The following TLK1 variants were observed in gnomAD, a reference collection of about 807,000 sequenced individuals.
TLK1 encodes the protein serine/threonine-protein kinase tousled-like 1.
TLK1 carries 24 observed loss-of-function variants against 105.3 expected under a neutral mutation model. The observed-to-expected ratio is 0.23, with a 90% CI of 0.17 to 0.32. The LOEUF (loss-of-function observed/expected upper bound fraction) is 0.32, where lower values mean the gene tolerates loss of function less well. Among genes scored for constraint, TLK1 ranks in the 10% least tolerant of loss-of-function variants. The pLI is 1.00. For missense variants in TLK1, 558 were observed against 910.5 expected (o/e 0.61, Z 4.98); for synonymous variants, 321 against 310.4 (o/e 1.03, Z -0.36).
chr2:171,139,929 T>A (rs1264863487), intron 1 of TLK1, among the ~76,000 whole-genome samples: 2 of 152,198 alleles, frequency 1.3e-5, no homozygotes, highest in African/African-American at 4.8e-5. Flanking sequence ...ATCCCTCGCA[T>A]GTGCAGTTCA....
At chr2:171,192,610 G>T (rs1485251618) in intron 1 of TLK1, among the ~76,000 whole-genome samples, 2 of 152,162 alleles carry the variant, frequency 1.3e-5, no homozygotes, top group Non-Finnish European at 2.9e-5. Flanking sequence ...AACCTGGAAG[G>T]CGGAGGTTGC....
At chr2:171,045,973 A>T in intron 11 of TLK1, 1 of 449,838 alleles carries the variant, frequency 2.2e-6, no homozygotes, top group Non-Finnish European at 3.8e-6. Context: ...GTTTTAAAAG[A>T]GAATTGTTAA....
At chr2:171,072,274 A>C (rs1159520666) in intron 3 of TLK1, among the ~76,000 whole-genome samples, 1 of 152,162 alleles carries the variant, frequency 6.6e-6, no homozygotes, top group African/African-American at 2.4e-5. Flanking sequence ...AATTTCTTGC[A>C]TCAATGTTTT....
chr2:171,073,038 T>C (rs929720344), intron 3 of TLK1, among the ~76,000 whole-genome samples: 5 of 152,172 alleles, frequency 3.3e-5, no homozygotes, highest in African/African-American at 4.8e-5. Flanking sequence ...TGTTAGCATA[T>C]AGAAATGCTA....
intron 12 of TLK1, among the ~76,000 whole-genome samples, chr2:171,027,741 A>G (rs1685843815): frequency 6.6e-6 from 1 of 152,260 alleles, no homozygotes; most frequent in Admixed American, 6.5e-5. Flanking sequence ...CTTAAATAGA[A>G]TAATCTAAAG....
chr2:171,133,854 T>C (rs999623328), intron 1 of TLK1, among the ~76,000 whole-genome samples: 3 of 151,976 alleles, frequency 2.0e-5, no homozygotes, highest in African/African-American at 7.3e-5. Context: ...TTCATATACA[T>C]TGTGATGGTG....
Position 171,160,217 on chromosome 2 carries a change from CGG to C in TLK1, c.139+71_139+72del, listed in dbSNP as rs377552379. 155 of 958,646 alleles carry C rather than the reference CGG, an allele frequency of 1.6e-4. No individual in the cohort carries two copies. In the African/African-American group the frequency reaches 2.1e-3, roughly 13 times the overall value. The allele number at this position is 958,646 out of a possible 1,614,324, so 59.4% of individuals were successfully genotyped here. On this transcript the variant is annotated intron_variant, in intron 1 of 20. Coordinates refer to ENST00000431350, the MANE Select transcript of TLK1 (RefSeq NM_012290.5). The surrounding 1 kb of genome is among the most constrained non-coding windows in gnomAD (Gnocchi z 4.4). Reference sequence around the variant, plus strand: ...CGGAGAAGCCCCGGGGCGGGGGGGGCGGGGGGGGGGCGCGGGGGTCCGCGGCG... The same window carrying C: ...CGGAGAAGCCCCGGGGCGGGGGGGGCGGGGGGGGCGCGGGGGTCCGCGGCG...
At chr2:171,060,373 T>A (rs1558916550) in intron 4 of TLK1, among the ~76,000 whole-genome samples, 1 of 152,164 alleles carries the variant, frequency 6.6e-6, no homozygotes, top group Non-Finnish European at 1.5e-5. Flanking sequence ...CTAAAATGAC[T>A]TACCCTTCCT....
chr2:171,180,221 TAA>T (rs908785841), intron 1 of TLK1, among the ~76,000 whole-genome samples: 1 of 145,306 alleles, frequency 6.9e-6, no homozygotes, highest in Admixed American at 6.9e-5. Flanking sequence ...AGACTTTGTC[TAA>T]AAAAAAAAAA....
chr2:171,154,682 C>T (rs1692167756), intron 1 of TLK1, among the ~76,000 whole-genome samples: 1 of 152,190 alleles, frequency 6.6e-6, no homozygotes, highest in Non-Finnish European at 1.5e-5. Flanking sequence ...CTATACCATA[C>T]TGCTTCTACT....
chr2:171,066,981 T>C (rs1688028057), intron 3 of TLK1: 1 of 1,527,426 alleles, frequency 6.5e-7, no homozygotes, highest in African/African-American at 1.4e-5. Context: ...AATAGTCAAA[T>C]TCAGAGCTGT....
intron 6 of TLK1, 29 bp from the exon 7 acceptor site, chr2:171,055,201 A>C: frequency 1.1e-6 from 1 of 894,440 alleles, no homozygotes. Context: ...TTTTTATATT[A>C]GCAAAAAAAA....
rs3084370 is a variant in TLK1 at position 171,082,030 on chromosome 2, T to TACACACAC, written c.330+743_330+750dup. 7.2e-3 allele frequency among the ~76,000 whole-genome samples: 1,058 copies of TACACACAC among 146,714 alleles called. 8 individuals carry two copies. Among genetic ancestry groups the TACACACAC allele is most frequent in the African/African-American group, 0.022 (882 of 40,100 alleles). On this transcript the variant is annotated intron_variant, in intron 3 of 20. Transcript: ENST00000431350. ...GTAGAAATAAGACTGACGGGAAAAA[T>TACACACAC]ACACACACACACACACACACACACA...
chr2:171,032,467 G>A (rs1406977723), intron 11 of TLK1, among the ~76,000 whole-genome samples: 1 of 151,864 alleles, frequency 6.6e-6, no homozygotes, highest in Non-Finnish European at 1.5e-5. Flanking sequence ...ACCTGAAAAG[G>A]ATATTAAGGA....
In TLK1 at chr2:171,140,424, C is replaced by CTGGTATA. The variant is rs1429419643; in HGVS notation, c.139+19865_139+19866insTATACCA. ...AGTCTGGTATACCAGGTTTCTTCTC[C>CTGGTATA]CCTACAGGCATCTGCTGATTTAAGT... On this transcript the variant is annotated intron_variant, in intron 1 of 20. Coordinates refer to ENST00000431350, the MANE Select transcript of TLK1 (RefSeq NM_012290.5). Among the ~76,000 whole-genome samples, 767 of 152,286 alleles carry CTGGTATA rather than the reference C, an allele frequency of 5.0e-3. 6 individuals carry two copies. The highest frequency in any genetic ancestry group is 0.017 in the African/African-American group (713 of 41,558).
At chr2:171,019,856 G>A (rs879403583) in intron 12 of TLK1, among the ~76,000 whole-genome samples, 1 of 152,024 alleles carries the variant, frequency 6.6e-6, no homozygotes, top group Non-Finnish European at 1.5e-5. Flanking sequence ...TCAGGAGTTC[G>A]AGACCAGCCT....
At chr2:171,123,184 C>T (rs13008199) in intron 1 of TLK1, among the ~76,000 whole-genome samples, 60,967 of 151,548 alleles carry the variant, frequency 0.4, 13,934 homozygotes, top group African/African-American at 0.61. Context: ...TCAAAATCTA[C>T]TACAAATACT....
In TLK1 at chr2:171,134,906, A is replaced by G. The variant is rs1167910250; in HGVS notation, c.140-17049T>C. 2.0e-5 allele frequency among the ~76,000 whole-genome samples: 3 copies of G among 151,984 alleles called. 1 individual carries two copies. The highest frequency in any genetic ancestry group is 4.4e-5 in the Non-Finnish European group (3 of 67,978). ...ATGTGCCACTGAGCCGGACCTATTC[A>G]GCCTTAAAAAAGAAGGAAATCCTGT... On this transcript the variant is annotated intron_variant, in intron 1 of 20. Transcript: ENST00000431350.
At chr2:171,148,890 A>AAAAAAAAT (rs1445171800) in intron 1 of TLK1, among the ~76,000 whole-genome samples, 2 of 138,470 alleles carry the variant, frequency 1.4e-5, no homozygotes, top group African/African-American at 5.4e-5. Context: ...AAAAAAAAAA[A>AAAAAAAAT]ATATATATAT....
Sources: allele counts gnomAD v4.1 joint callset (sites outside exome capture counted in the v4.1 genomes callset), GRCh38; gene constraint gnomAD v4.1.1; non-coding constraint Gnocchi (gnomAD v3.1); transcripts MANE v1.5; gene names NCBI Gene and HGNC (gene_info 2026-07-23, HGNC 2026-07-21).